The following EPB41L5 variants were observed in gnomAD, a reference collection of about 807,000 sequenced individuals.
EPB41L5 encodes the protein band 4.1-like protein 5.
EPB41L5 carries 55 observed loss-of-function variants against 106.6 expected under a neutral mutation model. The ratio of observed to expected loss-of-function variants is 0.52; its 90% confidence interval spans 0.42 to 0.65. The LOEUF (loss-of-function observed/expected upper bound fraction) is 0.65, where lower values mean the gene tolerates loss of function less well. EPB41L5 is among the 30% of genes least tolerant of loss of function. The probability of loss-of-function intolerance (pLI) is 0.00; values close to 1 mark genes in which losing one functional copy is unlikely to be tolerated. For missense variants in EPB41L5, 871 were observed against 882.1 expected, an observed-to-expected ratio of 0.99 and a Z score of 0.16; for synonymous variants, 297 against 306.7, an observed-to-expected ratio of 0.97 and a Z score of 0.33.
intron 1 of EPB41L5, among the ~76,000 whole-genome samples, chr2:120,018,727 G>A (rs898889064): frequency 4.0e-5 from 6 of 151,874 alleles, no homozygotes; most frequent in African/African-American, 1.5e-4. Context: ...GCTCACTGCC[G>A]CTTTGACTGC....
At position 120,021,256 on chromosome 2, in the gene EPB41L5, C is replaced by G. The variant is rs567020007; in HGVS notation, c.180+1992C>G. Among the ~76,000 whole-genome samples, 6 of 152,104 alleles carry G rather than the reference C, an allele frequency of 3.9e-5. No individual in the cohort carries two copies. The East Asian group carries it at 9.7e-4, about 25-fold the overall frequency. The stretch of plus-strand genomic sequence containing the variant: ...TCAGGAGGCTGAGGCAGGAGAATCA[C>G]TTGAACCTGGGAGGTGGAGATTGCA... On this transcript the variant is annotated intron_variant, in intron 2 of 24. Transcript: ENST00000263713.
At chr2:120,032,015 G>C (rs1457336925) in intron 2 of EPB41L5, among the ~76,000 whole-genome samples, 1 of 152,040 alleles carries the variant, frequency 6.6e-6, no homozygotes, top group Non-Finnish European at 1.5e-5. Context: ...CATAAAGGAC[G>C]TTCTAAGCAG....
intron 3 of EPB41L5, among the ~76,000 whole-genome samples, chr2:120,049,400 C>T (rs1039470257): frequency 1.7e-4 from 26 of 152,220 alleles, no homozygotes; most frequent in African/African-American, 5.8e-4. Flanking sequence ...TGAATTGATC[C>T]CTTTACCATT....
intron 16 of EPB41L5, among the ~76,000 whole-genome samples, chr2:120,126,330 T>C (rs1431408167): frequency 6.6e-6 from 1 of 152,198 alleles, no homozygotes; most frequent in African/African-American, 2.4e-5. Context: ...CTTCAGTTTT[T>C]CTTTTATGGA....
intron 16 of EPB41L5, chr2:120,106,238 A>T: frequency 1.0e-6 from 1 of 985,350 alleles, no homozygotes; most frequent in Non-Finnish European, 1.2e-6. Flanking sequence ...GGTGTTAGGG[A>T]TGGAGGCAGC....
chr2:120,049,591 T>C (rs1680073861), intron 3 of EPB41L5, among the ~76,000 whole-genome samples: 2 of 152,116 alleles, frequency 1.3e-5, no homozygotes, highest in Non-Finnish European at 1.5e-5. Flanking sequence ...CTGAATACAG[T>C]ACACTGGGGG....
intron 2 of EPB41L5, among the ~76,000 whole-genome samples, chr2:120,039,791 C>T (rs1403941809): frequency 1.4e-5 from 2 of 147,494 alleles, no homozygotes; most frequent in Non-Finnish European, 3.0e-5. Context: ...TGCCATTGCA[C>T]TCCAGTCTGG....
chr2:120,142,182 T>G (rs1686205649), intron 18 of EPB41L5, among the ~76,000 whole-genome samples: 1 of 151,648 alleles, frequency 6.6e-6, no homozygotes, highest in Admixed American at 6.6e-5. Flanking sequence ...CATTTTTAAG[T>G]GTATCGTTCA....
At chr2:120,018,369 G>A (rs1025783827) in intron 1 of EPB41L5, among the ~76,000 whole-genome samples, 1 of 152,122 alleles carries the variant, frequency 6.6e-6, no homozygotes, top group Non-Finnish European at 1.5e-5. Flanking sequence ...TAGAAGACCT[G>A]ATGAACTTCA....
chr2:120,135,763 A>G (rs917790243), intron 18 of EPB41L5, among the ~76,000 whole-genome samples: 19 of 152,150 alleles, frequency 1.2e-4, no homozygotes, highest in Non-Finnish European at 5.9e-5. Flanking sequence ...TACCCTTCAA[A>G]CATGAAGGAG....
intron 16 of EPB41L5, among the ~76,000 whole-genome samples, chr2:120,126,799 A>G (rs1574719717): frequency 1.3e-5 from 2 of 152,202 alleles, no homozygotes; most frequent in African/African-American, 4.8e-5. Context: ...TGGCTGGTCA[A>G]TTCTACAAAA....
chr2:120,123,028 C>T (rs1685296999), intron 16 of EPB41L5, among the ~76,000 whole-genome samples: 1 of 152,184 alleles, frequency 6.6e-6, no homozygotes, highest in South Asian at 2.1e-4. Flanking sequence ...TGAGACTTTG[C>T]TGAAGTTGCT....
chr2:120,105,006 G>A, intron 16 of EPB41L5: 1 of 984,826 alleles, frequency 1.0e-6, no homozygotes, highest in Non-Finnish European at 1.2e-6. Flanking sequence ...CTTTTCATTT[G>A]ACTGGCTTTT....
At chr2:120,029,747 A>G (rs1678577561) in intron 2 of EPB41L5, among the ~76,000 whole-genome samples, 1 of 152,192 alleles carries the variant, frequency 6.6e-6, no homozygotes, top group Non-Finnish European at 1.5e-5. Context: ...ATCTTATAGT[A>G]CACTGTCCAT....
At chr2:120,067,149 C>T (rs912027169) in intron 3 of EPB41L5, among the ~76,000 whole-genome samples, 8 of 152,104 alleles carry the variant, frequency 5.3e-5, no homozygotes, top group Non-Finnish European at 7.4e-5. Context: ...CACAGTAGCC[C>T]GCGCACTTGA....
At chr2:120,051,156 G>C (rs1351977336) in intron 3 of EPB41L5, among the ~76,000 whole-genome samples, 3 of 152,162 alleles carry the variant, frequency 2.0e-5, no homozygotes, top group African/African-American at 7.2e-5. Context: ...ACAGTGTGCT[G>C]GGAGAATCAC....
intron 10 of EPB41L5, among the ~76,000 whole-genome samples, chr2:120,083,170 T>C (rs914267126): frequency 3.3e-5 from 5 of 152,218 alleles, no homozygotes; most frequent in Non-Finnish European, 5.9e-5. Context: ...TTGCCCTTGC[T>C]TCTCTAGTTC....
intron 13 of EPB41L5, 66 bp downstream of exon 13, chr2:120,091,727 T>C: frequency 7.8e-7 from 1 of 1,282,592 alleles, no homozygotes; most frequent in African/African-American, 1.5e-5. Flanking sequence ...TGGTGTTGTT[T>C]CCATAAGAGG....
chr2:120,094,690 T>C (rs1011775910), intron 14 of EPB41L5, among the ~76,000 whole-genome samples: 7 of 152,128 alleles, frequency 4.6e-5, no homozygotes, highest in African/African-American at 1.7e-4. Context: ...TTTTTTAACA[T>C]TTAAAGATAT....
Sources: allele counts gnomAD v4.1 joint callset (sites outside exome capture counted in the v4.1 genomes callset), GRCh38; gene constraint gnomAD v4.1.1; transcripts MANE v1.5; gene names NCBI Gene and HGNC (gene_info 2026-07-23, HGNC 2026-07-21).